RBFOX3: variants seen among roughly 807,000 people sequenced by gnomAD.
RBFOX3 encodes the protein RNA binding protein fox-1 homolog 3.
Under a neutral mutation model 48.7 loss-of-function variants are expected in RBFOX3, and 17 were observed. The ratio of observed to expected loss-of-function variants is 0.35; its 90% CI spans 0.24 to 0.52. The LOEUF is 0.52. Ranked by LOEUF, RBFOX3 falls within the 20% of genes least tolerant of loss-of-function variation. RBFOX3 has a pLI of 0.94. For synonymous variants in RBFOX3, 212 were observed against 209.5 expected, an observed-to-expected ratio of 1.01 and a Z score of -0.10; for missense variants, 382 against 497.5, an observed-to-expected ratio of 0.77 and a Z score of 2.21.
At position 79,390,365 on chromosome 17, in the gene RBFOX3, C is replaced by T. The variant is rs927230649; in HGVS notation, c.-174-82541G>A. ...CGCTGTGGTTTCATCACGACCATCA[C>T]GGCCAGGTGACGGGTTCCAGCTCAT... On this transcript the variant is annotated intron_variant, in intron 2 of 14. Transcript: ENST00000693108. This position sits in a 1 kb window ranked among gnomAD's most constrained non-coding sequence, Gnocchi z 4.2. Among the ~76,000 whole-genome samples the T allele has an allele frequency of 2.6e-5, 4 of 151,834 alleles. No individual in the cohort carries two copies. Among genetic ancestry groups the T allele is most frequent in the African/African-American group, 4.9e-5 (2 of 41,064 alleles).
intron 1 of RBFOX3, among the ~76,000 whole-genome samples, chr17:79,488,895 G>A (rs2080061721): frequency 1.3e-5 from 2 of 152,228 alleles, no homozygotes. Context: ...TCACACATGG[G>A]CTTGTGAAAG....
At chr17:79,138,483 C>T (rs2040803410) in intron 4 of RBFOX3, among the ~76,000 whole-genome samples, 1 of 152,096 alleles carries the variant, frequency 6.6e-6, no homozygotes, top group African/African-American at 2.4e-5. Flanking sequence ...ATGTCACAGT[C>T]ATGTCCAGGT....
chr17:79,133,228 A>G (rs1412058507), intron 4 of RBFOX3, among the ~76,000 whole-genome samples: 2 of 152,190 alleles, frequency 1.3e-5, no homozygotes, highest in African/African-American at 4.8e-5. Context: ...GAGAAGACAG[A>G]GGAGGCTGCA....
intron 2 of RBFOX3, among the ~76,000 whole-genome samples, chr17:79,347,654 C>T (rs763363392): frequency 2.0e-5 from 3 of 152,130 alleles, no homozygotes; most frequent in Admixed American, 6.5e-5. Flanking sequence ...TCTCCTGTAT[C>T]GCATTATTTC....
At chr17:79,430,783 G>A (rs1182754354) in intron 2 of RBFOX3, among the ~76,000 whole-genome samples, 1 of 152,208 alleles carries the variant, frequency 6.6e-6, no homozygotes, top group African/African-American at 2.4e-5. Context: ...GACCTCAGAT[G>A]ATCCACCCGC....
intron 2 of RBFOX3, among the ~76,000 whole-genome samples, chr17:79,451,618 C>A (rs2073527672): frequency 6.6e-6 from 1 of 152,180 alleles, no homozygotes; most frequent in Non-Finnish European, 1.5e-5. Context: ...AGTAAGTTAC[C>A]CTCAATGCAA....
intron 2 of RBFOX3, among the ~76,000 whole-genome samples, chr17:79,422,796 G>A (rs1555723365): frequency 2.6e-5 from 4 of 152,184 alleles, no homozygotes; most frequent in African/African-American, 7.2e-5. Flanking sequence ...ATTTGGAGGT[G>A]GAGCCTATAA....
chr17:79,158,644 G>A (rs881528), intron 4 of RBFOX3, among the ~76,000 whole-genome samples: 42,970 of 152,158 alleles, frequency 0.28, 7,919 homozygotes, highest in African/African-American at 0.53. Context: ...CCCGACCAAG[G>A]CTGGCAAGGA....
At chr17:79,156,112 G>C (rs1026701198) in intron 4 of RBFOX3, among the ~76,000 whole-genome samples, 2 of 152,212 alleles carry the variant, frequency 1.3e-5, no homozygotes, top group African/African-American at 4.8e-5. Flanking sequence ...CACACTTGGG[G>C]GTGACGGGGA....
At chr17:79,539,306 C>T (rs150705404) in intron 1 of RBFOX3, among the ~76,000 whole-genome samples, 8 of 152,236 alleles carry the variant, frequency 5.3e-5, no homozygotes, top group Admixed American at 3.9e-4. Context: ...GAGCCATGAT[C>T]GTACCACTGC....
At chr17:79,274,066 A>T (rs983759022) in intron 3 of RBFOX3, among the ~76,000 whole-genome samples, 4 of 152,152 alleles carry the variant, frequency 2.6e-5, no homozygotes, top group African/African-American at 7.2e-5. Flanking sequence ...GCAGGGGCGG[A>T]CGCTGACCCC....
At chr17:79,166,838 G>C (rs1248160567) in intron 4 of RBFOX3, among the ~76,000 whole-genome samples, 2 of 152,220 alleles carry the variant, frequency 1.3e-5, no homozygotes, top group African/African-American at 2.4e-5. Flanking sequence ...ACGGGTTTCT[G>C]GGATGGTTGC....
At chr17:79,419,711 T>C (rs1307890386) in intron 2 of RBFOX3, among the ~76,000 whole-genome samples, 1 of 151,958 alleles carries the variant, frequency 6.6e-6, no homozygotes, top group Non-Finnish European at 1.5e-5. Flanking sequence ...CAATGAAAAA[T>C]AGGAAAGCAT....
intron 6 of RBFOX3, 87 bp from the exon 7 acceptor site, chr17:79,104,213 G>A (rs1174600862): frequency 4.3e-6 from 5 of 1,169,034 alleles, no homozygotes; most frequent in Admixed American, 2.0e-5. Context: ...CCACTCCTGA[G>A]ACGCTCATGC....
intron 2 of RBFOX3, among the ~76,000 whole-genome samples, chr17:79,469,870 G>A (rs1168500112): frequency 6.6e-6 from 1 of 152,166 alleles, no homozygotes; most frequent in Non-Finnish European, 1.5e-5. Flanking sequence ...AGGGGAGAAC[G>A]TGCACAAGGG....
At chr17:79,191,603 C>A (rs1295152234) in intron 4 of RBFOX3, among the ~76,000 whole-genome samples, 2 of 152,216 alleles carry the variant, frequency 1.3e-5, no homozygotes, top group South Asian at 4.1e-4. Context: ...TGCCAAGCTG[C>A]AGACAGGGGC....
intron 1 of RBFOX3, among the ~76,000 whole-genome samples, chr17:79,532,552 C>T (rs1277633586): frequency 1.3e-5 from 2 of 152,168 alleles, no homozygotes; most frequent in East Asian, 3.9e-4. Context: ...TGGAAGTAAC[C>T]GAGATCAGCG....
At chr17:79,494,810 G>A (rs1011067557) in intron 1 of RBFOX3, among the ~76,000 whole-genome samples, 16 of 152,160 alleles carry the variant, frequency 1.1e-4, no homozygotes, top group South Asian at 2.1e-4. Context: ...TGTGGCCAGC[G>A]GCACAGTCAC....
chr17:79,507,802 A>C (rs1555779354), intron 1 of RBFOX3, among the ~76,000 whole-genome samples: 2 of 152,178 alleles, frequency 1.3e-5, no homozygotes, highest in South Asian at 4.1e-4. Context: ...AGGTGAGAGA[A>C]CCAAGGCACG....
Sources: gnomAD v4.1 joint callset for allele counts (sites outside exome capture counted in the v4.1 genomes callset) on GRCh38, gnomAD v4.1.1 for gene constraint, Gnocchi (gnomAD v3.1) non-coding constraint, MANE v1.5 for transcripts, NCBI Gene and HGNC (gene_info 2026-07-23, HGNC 2026-07-21) for gene names.